RAP1GAP2: variants seen among roughly 807,000 people sequenced by gnomAD.
RAP1GAP2 encodes the protein rap1 GTPase-activating protein 2.
A neutral mutation model predicts 95.0 loss-of-function variants in RAP1GAP2; 27 were observed. The ratio of observed to expected loss-of-function variants is 0.28; its 90% CI spans 0.21 to 0.39. The LOEUF is 0.39. RAP1GAP2 is among the 10% of genes least tolerant of loss of function. The pLI, the probability that RAP1GAP2 is intolerant of heterozygous loss-of-function variation, is 1.00. For missense variants in RAP1GAP2, 771 were observed against 970.0 expected (o/e 0.79, Z 2.72); for synonymous variants, 373 against 380.9 (o/e 0.98, Z 0.24).
At chr17:2,933,386 G>T (rs564958111) in intron 3 of RAP1GAP2, among the ~76,000 whole-genome samples, 29 of 152,304 alleles carry the variant, frequency 1.9e-4, no homozygotes, top group Non-Finnish European at 4.0e-4. Flanking sequence ...GACACAGCCA[G>T]ACACCTGCCT....
intron 3 of RAP1GAP2, among the ~76,000 whole-genome samples, chr17:2,918,028 C>T (rs529048671): frequency 2.6e-5 from 4 of 152,166 alleles, no homozygotes; most frequent in African/African-American, 9.6e-5. Context: ...AGCTTACCCT[C>T]TTCTTAGCTG....
intron 2 of RAP1GAP2, among the ~76,000 whole-genome samples, chr17:2,869,684 C>T (rs1363777410): frequency 6.6e-6 from 1 of 152,182 alleles, no homozygotes; most frequent in East Asian, 1.9e-4. Flanking sequence ...GCTCACACCC[C>T]CACTGAGGGT....
intron 17 of RAP1GAP2, among the ~76,000 whole-genome samples, chr17:3,011,517 C>G (rs1472666525): frequency 1.3e-5 from 2 of 151,976 alleles, no homozygotes; most frequent in East Asian, 3.9e-4. Flanking sequence ...TTAGGGAGTT[C>G]ACCCACACCT....
intron 1 of RAP1GAP2, among the ~76,000 whole-genome samples, chr17:2,758,678 G>C (rs2071192811): frequency 6.6e-6 from 1 of 152,186 alleles, no homozygotes; most frequent in Non-Finnish European, 1.5e-5. Context: ...CCTGGATCTA[G>C]GACTTCCCAC....
At chr17:2,808,319 C>T (rs951507390) in intron 2 of RAP1GAP2, among the ~76,000 whole-genome samples, 2 of 152,102 alleles carry the variant, frequency 1.3e-5, no homozygotes, top group African/African-American at 4.8e-5. Context: ...AGAAGGCTTC[C>T]TGTGAGCGCT....
At chr17:2,988,208 CA>C (rs34528475) in intron 11 of RAP1GAP2, among the ~76,000 whole-genome samples, 56,541 of 135,730 alleles carry the variant, frequency 0.42, 12,469 homozygotes, top group East Asian at 0.75. Context: ...AACTCCATCT[CA>C]AAAAAAAAAA....
At chr17:2,935,197 C>T (rs963614073) in intron 3 of RAP1GAP2, among the ~76,000 whole-genome samples, 4 of 152,074 alleles carry the variant, frequency 2.6e-5, no homozygotes, top group Admixed American at 6.6e-5. Context: ...CACAGGTAGG[C>T]GTGAGGATCA....
Position 2,822,882 on chromosome 17 carries a change from G to A in RAP1GAP2, c.80+22332G>A, listed in dbSNP as rs149377588. ...TCCCCCCAGTCCCAGCACTTTGAGC[G>A]GCTGAGGCAGCTGTGAGGTCAGGAG... is the stretch of plus-strand genomic sequence containing the variant. On this transcript the variant is annotated intron_variant, in intron 2 of 24. Coordinates refer to ENST00000254695, the MANE Select transcript of RAP1GAP2 (RefSeq NM_015085.5). 4.9e-3 allele frequency among the ~76,000 whole-genome samples: 742 copies of A among 152,104 alleles called. 5 individuals are homozygous for A. The highest frequency in any genetic ancestry group is 0.014 in the Middle Eastern group (4 of 294).
In RAP1GAP2 at chr17:2,797,330, G is replaced by C. The variant is rs1214194218; in HGVS notation, c.44+759G>C. Reference sequence around the variant, plus strand: ...AGGGATGTGCTTTTTCTTCCCGGCGGGGGGCAGAAGGTAGGCACACGAAGG... The same window carrying C: ...AGGGATGTGCTTTTTCTTCCCGGCGCGGGGCAGAAGGTAGGCACACGAAGG... On this transcript the variant is annotated intron_variant, in intron 1 of 24. Transcript: ENST00000254695. This position sits in a 1 kb window ranked among gnomAD's most constrained non-coding sequence, Gnocchi z 5.6. 2.0e-5 allele frequency among the ~76,000 whole-genome samples: 3 copies of C among 152,192 alleles called. No individual in the cohort carries two copies. Among genetic ancestry groups the C allele is most frequent in the Admixed American group, 1.3e-4 (2 of 15,280 alleles).
At chr17:3,015,857 G>A (rs187116820) in intron 17 of RAP1GAP2, among the ~76,000 whole-genome samples, 11 of 151,946 alleles carry the variant, frequency 7.2e-5, no homozygotes, top group Admixed American at 5.9e-4. Flanking sequence ...AGGAAGGGAG[G>A]TTGTCCACAT....
intron 17 of RAP1GAP2, among the ~76,000 whole-genome samples, chr17:3,010,661 C>T (rs911997005): frequency 1.3e-5 from 2 of 152,106 alleles, no homozygotes; most frequent in African/African-American, 4.8e-5. Context: ...GTGCTTGACT[C>T]GAGGGGGTCT....
Position 3,025,357 on chromosome 17 carries a change from A to G in RAP1GAP2, c.1752-651A>G, listed in dbSNP as rs144518733. Among the ~76,000 whole-genome samples, 55 of 152,330 alleles carry G rather than the reference A, an allele frequency of 3.6e-4. No homozygotes were observed. In the East Asian group the frequency reaches 9.6e-3, roughly 27 times the overall value. ...GCACCACTGCACTCCAGCCTGGGCA[A>G]CAGAGCGAGACTCAGTCTCAAAAAA... On this transcript the variant is annotated intron_variant, in intron 19 of 24. Transcript: ENST00000254695.
exon 2 of RAP1GAP2, chr17:2,770,409 G>A (rs2068367577): frequency 5.0e-6 from 2 of 398,688 alleles, no homozygotes; most frequent in Non-Finnish European, 8.8e-6. Context: ...CAGCAGCATC[G>A]CATCCTCAGC....
rs75241232 is a variant in RAP1GAP2, at chr17:2,942,363, C to T, written c.166-15396C>T. 5.3e-5 allele frequency among the ~76,000 whole-genome samples: 8 copies of T among 152,266 alleles called. No homozygotes were observed. In the East Asian group the frequency reaches 1.5e-3, roughly 29 times the overall value. On this transcript the variant is annotated intron_variant, in intron 3 of 24. Coordinates refer to ENST00000254695, the MANE Select transcript of RAP1GAP2 (RefSeq NM_015085.5). ...CAGGAACATTCAGTGGCTTCCATAG[C>T]TTGAAACTTGTGTTTGGGGCTGAAA... is the stretch of plus-strand genomic sequence containing the variant.
At chr17:2,839,111 TG>T (rs1192183299) in intron 2 of RAP1GAP2, among the ~76,000 whole-genome samples, 1 of 152,112 alleles carries the variant, frequency 6.6e-6, no homozygotes, top group Non-Finnish European at 1.5e-5. Flanking sequence ...GAGACCAGCC[TG>T]GCCAACATGG....
chr17:2,797,866 G>T lies in RAP1GAP2; in HGVS notation c.44+1295G>T. ...TGTGTCTTGGCTGTGGGCCTTGCAG[G>T]GCAGGGCCCAGCAATTAGATTGTGC... On this transcript the variant is annotated intron_variant, in intron 1 of 24. Coordinates refer to ENST00000254695, the MANE Select transcript of RAP1GAP2 (RefSeq NM_015085.5). This position sits in a 1 kb window ranked among gnomAD's most constrained non-coding sequence, Gnocchi z 5.6. 6.0e-6 allele frequency: 5 copies of T among 831,488 alleles called. No individual in the cohort carries two copies. The highest frequency in any genetic ancestry group is 5.8e-6 in the Non-Finnish European group (4 of 689,748). 51.5% of individuals were successfully genotyped at this position (831,488 alleles called of 1,614,324 possible). A position where few individuals can be genotyped will look rare whatever the true frequency, so the allele number is the denominator to read the frequency against.
At chr17:2,954,633 G>C (rs975149893) in intron 3 of RAP1GAP2, among the ~76,000 whole-genome samples, 2 of 150,996 alleles carry the variant, frequency 1.3e-5, no homozygotes, top group Non-Finnish European at 3.0e-5. Context: ...TTGCTCTGTT[G>C]CCCAGGCTGG....
chr17:2,833,658 C>CCAACCTG (rs567149126), intron 2 of RAP1GAP2, among the ~76,000 whole-genome samples: 10 of 145,384 alleles, frequency 6.9e-5, no homozygotes, highest in Non-Finnish European at 1.5e-4. Flanking sequence ...CCACTGCACT[C>CCAACCTG]CAACCTGGGA....
intron 13 of RAP1GAP2, among the ~76,000 whole-genome samples, chr17:2,997,019 A>G (rs2045982792): frequency 6.6e-6 from 1 of 152,164 alleles, no homozygotes; most frequent in Non-Finnish European, 1.5e-5. Context: ...TCTCTCACCC[A>G]GGCTGGAGTG....
Sources: gnomAD v4.1 joint callset for allele counts (sites outside exome capture counted in the v4.1 genomes callset) on GRCh38, gnomAD v4.1.1 for gene constraint, Gnocchi (gnomAD v3.1) non-coding constraint, MANE v1.5 for transcripts, NCBI Gene and HGNC (gene_info 2026-07-23, HGNC 2026-07-21) for gene names.